UNC5D: variants seen among roughly 807,000 people sequenced by gnomAD.
The protein encoded by UNC5D is unc-5 netrin receptor D, also known as netrin receptor UNC5D.
A neutral mutation model predicts 105.4 loss-of-function variants in UNC5D; 39 were observed. The observed-to-expected ratio is 0.37, with a 90% CI of 0.29 to 0.48. UNC5D has a LOEUF of 0.48. UNC5D is among the 20% of genes least tolerant of loss of function. The pLI, the probability that UNC5D is intolerant of heterozygous loss-of-function variation, is 0.98. For synonymous variants in UNC5D, 452 were observed against 450.4 expected, an observed-to-expected ratio of 1.00 and a Z score of -0.04; for missense variants, 991 against 1,202.4, an observed-to-expected ratio of 0.82 and a Z score of 2.60.
chr8:35,522,428 G>A (rs146233869), intron 1 of UNC5D, among the ~76,000 whole-genome samples: 1 of 152,084 alleles, frequency 6.6e-6, no homozygotes, highest in Non-Finnish European at 1.5e-5. Context: ...GAACTCCAAG[G>A]GTTTATGAAG....
At chr8:35,561,528 T>C (rs1392001882) in intron 2 of UNC5D, among the ~76,000 whole-genome samples, 1 of 152,070 alleles carries the variant, frequency 6.6e-6, no homozygotes, top group Non-Finnish European at 1.5e-5. Flanking sequence ...TGAAAAAAAA[T>C]CCTGGGTATT....
At chr8:35,498,297 G>A (rs547529687) in intron 1 of UNC5D, among the ~76,000 whole-genome samples, 1 of 151,734 alleles carries the variant, frequency 6.6e-6, no homozygotes, top group African/African-American at 2.4e-5. Flanking sequence ...TAGGTTGGTT[G>A]GAGCAGATTG....
At chr8:35,623,408 T>C (rs969410081) in intron 4 of UNC5D, among the ~76,000 whole-genome samples, 1 of 152,232 alleles carries the variant, frequency 6.6e-6, no homozygotes, top group African/African-American at 2.4e-5. Context: ...TTTTTTGTGA[T>C]GACTTCATTA....
intron 4 of UNC5D, among the ~76,000 whole-genome samples, chr8:35,672,064 G>A (rs1277912939): frequency 6.6e-6 from 1 of 151,938 alleles, no homozygotes; most frequent in East Asian, 1.9e-4. Context: ...TTTATTCTTT[G>A]TAGACTTGAT....
intron 1 of UNC5D, among the ~76,000 whole-genome samples, chr8:35,546,736 T>A (rs1815710507): frequency 2.0e-5 from 3 of 152,182 alleles, no homozygotes. Flanking sequence ...GTATAAGCAT[T>A]CAGTAACAAA....
intron 1 of UNC5D, among the ~76,000 whole-genome samples, chr8:35,348,262 G>A (rs534753009): frequency 2.6e-5 from 4 of 151,902 alleles, no homozygotes; most frequent in East Asian, 3.9e-4. Context: ...TCTGTAATTT[G>A]CCTTTTCACT....
intron 1 of UNC5D, among the ~76,000 whole-genome samples, chr8:35,526,335 A>G (rs1157448030): frequency 6.6e-6 from 1 of 152,134 alleles, no homozygotes; most frequent in Non-Finnish European, 1.5e-5. Context: ...GAGTCCTTGG[A>G]CACTGCAGCT....
chr8:35,653,856 T>C (rs1823570379), intron 4 of UNC5D, among the ~76,000 whole-genome samples: 1 of 152,226 alleles, frequency 6.6e-6, no homozygotes, highest in Non-Finnish European at 1.5e-5. Context: ...TACTCTGTAC[T>C]TGTTATAATA....
chr8:35,788,360 G>A (rs552447331), intron 16 of UNC5D, among the ~76,000 whole-genome samples: 18 of 152,206 alleles, frequency 1.2e-4, no homozygotes, highest in Admixed American at 2.0e-4. Context: ...ATACTTGGCT[G>A]GCTCTGGAAA....
intron 16 of UNC5D, among the ~76,000 whole-genome samples, chr8:35,779,760 G>C (rs1388633938): frequency 1.3e-5 from 2 of 152,064 alleles, no homozygotes; most frequent in African/African-American, 4.8e-5. Flanking sequence ...CTAGCCAGGA[G>C]AGTGTTCTTG....
At chr8:35,347,417 C>G (rs1309411039) in intron 1 of UNC5D, among the ~76,000 whole-genome samples, 5 of 151,950 alleles carry the variant, frequency 3.3e-5, no homozygotes. Context: ...AGTCTATACT[C>G]AATCTGAAAA....
intron 14 of UNC5D, among the ~76,000 whole-genome samples, chr8:35,761,263 G>A (rs1172174833): frequency 6.6e-6 from 1 of 151,990 alleles, no homozygotes; most frequent in Non-Finnish European, 1.5e-5. Context: ...AGGTTATAAG[G>A]GCCTCATTTC....
chr8:35,245,678 A>G (rs1803046672), intron 1 of UNC5D, among the ~76,000 whole-genome samples: 2 of 152,170 alleles, frequency 1.3e-5, no homozygotes, highest in African/African-American at 4.8e-5. Flanking sequence ...TGCAATGCAC[A>G]TCAGTCTCCA....
chr8:35,342,729 C>T (rs1811537468), intron 1 of UNC5D, among the ~76,000 whole-genome samples: 1 of 152,050 alleles, frequency 6.6e-6, no homozygotes, highest in Non-Finnish European at 1.5e-5. Flanking sequence ...GGGTACAGAC[C>T]TACTACCTTA....
At chr8:35,297,216 C>T (rs1241605033) in intron 1 of UNC5D, among the ~76,000 whole-genome samples, 1 of 152,140 alleles carries the variant, frequency 6.6e-6, no homozygotes, top group Non-Finnish European at 1.5e-5. Flanking sequence ...ATATCTCTCA[C>T]TTTCCTTTTC....
intron 1 of UNC5D, among the ~76,000 whole-genome samples, chr8:35,415,548 C>T (rs1052390352): frequency 6.6e-6 from 1 of 152,082 alleles, no homozygotes; most frequent in Non-Finnish European, 1.5e-5. Context: ...TGAATCGTCT[C>T]CCCCTGATTC....
At chr8:35,542,765 A>G (rs1347934511) in intron 1 of UNC5D, among the ~76,000 whole-genome samples, 1 of 152,252 alleles carries the variant, frequency 6.6e-6, no homozygotes, top group Non-Finnish European at 1.5e-5. Flanking sequence ...AACGGTCCAT[A>G]TCACTAGGAC....
At chr8:35,463,690 G>A (rs955056422) in intron 1 of UNC5D, among the ~76,000 whole-genome samples, 5 of 151,600 alleles carry the variant, frequency 3.3e-5, no homozygotes, top group Non-Finnish European at 5.9e-5. Context: ...AGAGGCTGAG[G>A]TATTCGGATC....
At chr8:35,587,768 G>A (rs1057365277) in intron 3 of UNC5D, among the ~76,000 whole-genome samples, 8 of 151,942 alleles carry the variant, frequency 5.3e-5, no homozygotes, top group Non-Finnish European at 4.4e-5. Flanking sequence ...GTACAGAGAT[G>A]CTTGACAACT....
Sources: gnomAD v4.1 joint callset for allele counts (sites outside exome capture counted in the v4.1 genomes callset) on GRCh38, gnomAD v4.1.1 for gene constraint, MANE v1.5 for transcripts, NCBI Gene and HGNC (gene_info 2026-07-23, HGNC 2026-07-21) for gene names.